Variants in ITGA6 observed in about 807,000 individuals in gnomAD.
ITGA6 encodes the protein integrin subunit alpha 6.
Under a neutral mutation model 133.6 loss-of-function variants are expected in ITGA6, and 63 were observed. The ratio of observed to expected loss-of-function variants is 0.47; its 90% CI spans 0.38 to 0.58. The LOEUF is 0.58. Among genes scored for constraint, ITGA6 ranks in the 20% least tolerant of loss-of-function variants. The pLI, the probability that ITGA6 is intolerant of heterozygous loss-of-function variation, is 0.00. For synonymous variants in ITGA6, 434 were observed against 482.0 expected (o/e 0.90, Z 1.30); for missense variants, 1,068 against 1,309.4 (o/e 0.82, Z 2.85).
At position 172,427,725 on chromosome 2, in the gene ITGA6, G is replaced by T; in HGVS notation, c.-64G>T. 1 of 1,471,790 alleles carries T rather than the reference G, an allele frequency of 6.8e-7. No homozygotes were observed. Among genetic ancestry groups the T allele is most frequent in the Non-Finnish European group, 9.0e-7 (1 of 1,111,658 alleles). 91.2% of individuals were successfully genotyped at this position (1,471,790 alleles called of 1,614,324 possible). ...GCGGTAGCAGCAGCGCGGCAGCCTC[G>T]GACCCAGCCCGGAGCGCAGGGCGGC... On this transcript the variant is annotated 5_prime_UTR_variant, in exon 1 of 26. Transcript: ENST00000684293.
At chr2:172,499,396 G>A (rs1332565766) in intron 24 of ITGA6, among the ~76,000 whole-genome samples, 1 of 152,122 alleles carries the variant, frequency 6.6e-6, no homozygotes, top group Non-Finnish European at 1.5e-5. Flanking sequence ...TGGGTCTCTC[G>A]CTCTGTCACC....
At chr2:172,428,478 C>T (rs1465768270) in intron 1 of ITGA6, 5 of 147,182 alleles carry the variant, frequency 3.4e-5, no homozygotes, top group Non-Finnish European at 7.4e-5. Context: ...AGCCACTTTC[C>T]ATGTGTCCTG....
At chr2:172,441,288 G>T (rs565722633) in intron 1 of ITGA6, among the ~76,000 whole-genome samples, 12 of 152,146 alleles carry the variant, frequency 7.9e-5, no homozygotes, top group Non-Finnish European at 1.8e-4. Context: ...GCTTACTGAG[G>T]GTCCTGAACT....
intron 1 of ITGA6, among the ~76,000 whole-genome samples, chr2:172,431,465 G>C (rs762636541): frequency 6.6e-6 from 1 of 152,168 alleles, no homozygotes; most frequent in Non-Finnish European, 1.5e-5. Context: ...TTAAATATTG[G>C]TGCCTGGACT....
At chr2:172,458,237 TAATG>T (rs1194881148) in intron 1 of ITGA6, among the ~76,000 whole-genome samples, 16 of 147,236 alleles carry the variant, frequency 1.1e-4, no homozygotes, top group Admixed American at 2.7e-4. Context: ...TGCACAAAAA[TAATG>T]AATTCTTTTT....
intron 1 of ITGA6, among the ~76,000 whole-genome samples, chr2:172,457,473 C>T (rs1390548225): frequency 1.3e-5 from 2 of 152,034 alleles, no homozygotes; most frequent in South Asian, 2.1e-4. Context: ...AAGAAACATA[C>T]AGAGTTTGAT....
chr2:172,450,615 T>C (rs1684947079), intron 1 of ITGA6, among the ~76,000 whole-genome samples: 1 of 151,994 alleles, frequency 6.6e-6, no homozygotes, highest in Non-Finnish European at 1.5e-5. Context: ...TGATGACTTC[T>C]AGGTTTCTGG....
At chr2:172,459,746 A>AG (rs1685355703) in intron 1 of ITGA6, among the ~76,000 whole-genome samples, 1 of 152,224 alleles carries the variant, frequency 6.6e-6, no homozygotes, top group African/African-American at 2.4e-5. Context: ...AATTCAAACA[A>AG]GGGGGAACAT....
chr2:172,430,229 T>C (rs1684052406), intron 1 of ITGA6, among the ~76,000 whole-genome samples: 3 of 152,242 alleles, frequency 2.0e-5, no homozygotes, highest in Non-Finnish European at 4.4e-5. Context: ...CTGTCTGGCA[T>C]GGGTACTTGC....
intron 1 of ITGA6, among the ~76,000 whole-genome samples, chr2:172,463,458 G>T (rs1352349015): frequency 6.6e-6 from 1 of 152,090 alleles, no homozygotes; most frequent in Non-Finnish European, 1.5e-5. Flanking sequence ...ACTTTTATCA[G>T]CATACAGAAC....
chr2:172,462,237 G>T (rs1314120655), intron 1 of ITGA6, among the ~76,000 whole-genome samples: 1 of 152,208 alleles, frequency 6.6e-6, no homozygotes, highest in African/African-American at 2.4e-5. Flanking sequence ...GCTGCTGGGT[G>T]TCAGCTCTTC....
Position 172,472,759 on chromosome 2 carries a change from C to T in ITGA6, c.776-1296C>T, listed in dbSNP as rs151216623. On this transcript the variant is annotated intron_variant, in intron 5 of 25. Transcript: ENST00000684293. Reference sequence around the variant, plus strand: ...ACTTTTTCTTCAATTTCTTCCGTCCCGTGCATGCGTACAGGCCTGCTGTTT... The same window carrying T: ...ACTTTTTCTTCAATTTCTTCCGTCCTGTGCATGCGTACAGGCCTGCTGTTT... 3.4e-4 allele frequency: 518 copies of T among 1,508,082 alleles called. 2 individuals are homozygous for T. In the African/African-American group the frequency reaches 5.0e-3, roughly 15 times the overall value. The allele number at this position is 1,508,082 out of a possible 1,614,324, so 93.4% of individuals were successfully genotyped here.
At chr2:172,499,128 T>A (rs1452520783) in intron 24 of ITGA6, among the ~76,000 whole-genome samples, 2 of 152,194 alleles carry the variant, frequency 1.3e-5, no homozygotes, top group Non-Finnish European at 2.9e-5. Context: ...GGGTTCAAGA[T>A]AGTCTTACTT....
chr2:172,465,521 T>G lies in ITGA6; in HGVS notation c.183-18T>G. 2 of 1,614,042 alleles carry G rather than the reference T, an allele frequency of 1.2e-6. No homozygotes were observed. Among genetic ancestry groups the G allele is most frequent in the Non-Finnish European group, 8.5e-7 (1 of 1,179,972 alleles). On this transcript the variant is annotated intron_variant, in intron 1 of 25. Coordinates refer to ENST00000684293, the MANE Select transcript of ITGA6 (RefSeq NM_000210.4). ...ATATTAAATTCAAATCTCCAAATTG[T>G]CTCTGTTTCATCAACAGGTTGCTCG...
At chr2:172,434,168 T>G (rs1254165190) in intron 1 of ITGA6, among the ~76,000 whole-genome samples, 2 of 152,258 alleles carry the variant, frequency 1.3e-5, no homozygotes, top group Non-Finnish European at 2.9e-5. Context: ...ATGACAAAAC[T>G]GCCTAAGGTT....
intron 7 of ITGA6, 62 bp downstream of exon 7, chr2:172,475,184 G>A (rs926441342): frequency 1.0e-5 from 12 of 1,145,494 alleles, no homozygotes; most frequent in African/African-American, 3.1e-5. Flanking sequence ...AAATAATAGC[G>A]CTGCTGGGCA....
chr2:172,455,041 T>C (rs1685156392), intron 1 of ITGA6, among the ~76,000 whole-genome samples: 1 of 152,196 alleles, frequency 6.6e-6, no homozygotes, highest in South Asian at 2.1e-4. Context: ...GATCCTCCCC[T>C]ACAACCTTTA....
intron 1 of ITGA6, among the ~76,000 whole-genome samples, chr2:172,439,988 C>G (rs1684475189): frequency 6.6e-6 from 1 of 152,194 alleles, no homozygotes; most frequent in African/African-American, 2.4e-5. Flanking sequence ...ACTGTCACCC[C>G]TTCCCCTGCT....
chr2:172,466,069 T>C (rs1685659582), intron 2 of ITGA6: 1 of 313,758 alleles, frequency 3.2e-6, no homozygotes, highest in Non-Finnish European at 6.2e-6. Context: ...CAGACCCCTT[T>C]GGAATGAGAG....
Sources: allele counts gnomAD v4.1 joint callset (sites outside exome capture counted in the v4.1 genomes callset), GRCh38; gene constraint gnomAD v4.1.1; transcripts MANE v1.5; gene names NCBI Gene and HGNC (gene_info 2026-07-23, HGNC 2026-07-21).